Variants in ACBD6 observed in about 807,000 individuals in gnomAD.
The protein encoded by ACBD6 is acyl-CoA-binding domain-containing protein 6.
Under a neutral mutation model 37.2 loss-of-function variants are expected in ACBD6, and 28 were observed. The ratio of observed to expected loss-of-function variants is 0.75; its 90% CI spans 0.56 to 1.03. The LOEUF is 1.03. Ranked by LOEUF, ACBD6 falls within the 50% of genes least tolerant of loss-of-function variation. The pLI is 0.00. For missense variants in ACBD6, 340 were observed against 337.4 expected (o/e 1.01, Z -0.06); for synonymous variants, 113 against 126.8 (o/e 0.89, Z 0.73).
chr1:180,358,211 G>A (rs757523222), intron 6 of ACBD6, among the ~76,000 whole-genome samples: 4 of 152,158 alleles, frequency 2.6e-5, no homozygotes, highest in Non-Finnish European at 5.9e-5. Context: ...GGCGGATCAT[G>A]AGGTCAGGAG....
intron 6 of ACBD6, among the ~76,000 whole-genome samples, chr1:180,343,835 G>A (rs560916731): frequency 6.6e-6 from 1 of 152,172 alleles, no homozygotes; most frequent in Non-Finnish European, 1.5e-5. Context: ...TTGGGTGGCC[G>A]AGGCAGGTGA....
chr1:180,311,476 C>T (rs1650592273), intron 7 of ACBD6, among the ~76,000 whole-genome samples: 1 of 152,152 alleles, frequency 6.6e-6, no homozygotes, highest in Admixed American at 6.6e-5. Context: ...CTTACTCTGT[C>T]AACCAAGCTG....
intron 6 of ACBD6, among the ~76,000 whole-genome samples, chr1:180,319,039 T>C (rs989779657): frequency 1.2e-4 from 18 of 152,174 alleles, no homozygotes; most frequent in African/African-American, 3.6e-4. Context: ...TTTGAGATTA[T>C]TATTAGTCTG....
chr1:180,344,958 A>G (rs1167669577), intron 6 of ACBD6, among the ~76,000 whole-genome samples: 1 of 152,222 alleles, frequency 6.6e-6, no homozygotes, highest in Admixed American at 6.5e-5. Flanking sequence ...CTCAAAACTG[A>G]CATATCATCA....
At chr1:180,310,697 G>T (rs1650551651) in intron 7 of ACBD6, among the ~76,000 whole-genome samples, 1 of 152,080 alleles carries the variant, frequency 6.6e-6, no homozygotes, top group African/African-American at 2.4e-5. Flanking sequence ...AGAATTACTG[G>T]GTTGTAGAGT....
At chr1:180,435,716 G>T in intron 3 of ACBD6, 1 of 852,322 alleles carries the variant, frequency 1.2e-6, no homozygotes, top group Non-Finnish European at 2.0e-6. Context: ...TGTCAATCTC[G>T]CCTGGACAGC....
intron 7 of ACBD6, among the ~76,000 whole-genome samples, chr1:180,311,582 T>C (rs1180782332): frequency 6.6e-6 from 1 of 152,138 alleles, no homozygotes; most frequent in Non-Finnish European, 1.5e-5. Flanking sequence ...GGACCATATT[T>C]GCCCAGGACA....
chr1:180,397,564 C>G lies in ACBD6; in HGVS notation c.615G>C (p.Lys205Asn). The change falls in exon 6 of 8, where the codon AAG becomes AAC. Residue 205 changes from lysine (K) to asparagine (N), a missense_variant. Transcript: ENST00000367595. Reference protein sequence around the residue: ...LLHWACDRGHKELVTVLLQHR... With the variant: ...LLHWACDRGHNELVTVLLQHR... ...GTTGCAGCAACACTGTGACTAGTTC[C>G]TTATGTCCTCGATCACAGGCCCAGT... 6.2e-7 allele frequency: 1 copy of G among 1,614,080 alleles called. No homozygotes were observed. Among genetic ancestry groups the G allele is most frequent in the Non-Finnish European group, 8.5e-7 (1 of 1,179,992 alleles).
chr1:180,350,334 G>A (rs927999329), intron 6 of ACBD6, among the ~76,000 whole-genome samples: 5 of 151,986 alleles, frequency 3.3e-5, no homozygotes, highest in African/African-American at 7.3e-5. Flanking sequence ...ATGCCTGGCC[G>A]ACTCCTAATT....
At chr1:180,328,137 A>G (rs745700686) in intron 6 of ACBD6, among the ~76,000 whole-genome samples, 14 of 152,136 alleles carry the variant, frequency 9.2e-5, no homozygotes, top group Middle Eastern at 3.2e-3. Flanking sequence ...TCTTCTGCAT[A>G]AAATTGTGTA....
intron 4 of ACBD6, among the ~76,000 whole-genome samples, chr1:180,421,098 A>G (rs1300104971): frequency 6.6e-6 from 1 of 152,088 alleles, no homozygotes; most frequent in Admixed American, 6.5e-5. Context: ...GGTTTGCTGC[A>G]CAGACTGTCT....
intron 6 of ACBD6, among the ~76,000 whole-genome samples, chr1:180,366,187 T>C (rs1193818699): frequency 2.0e-5 from 3 of 152,256 alleles, no homozygotes; most frequent in Non-Finnish European, 4.4e-5. Flanking sequence ...TTAGTTCTTT[T>C]AAGGCAGATG....
intron 3 of ACBD6, among the ~76,000 whole-genome samples, chr1:180,455,743 GAATT>G (rs1311994444): frequency 6.6e-6 from 1 of 151,808 alleles, no homozygotes; most frequent in Admixed American, 6.6e-5. Context: ...CCATAAAATT[GAATT>G]AATTCTAGAT....
At chr1:180,399,386 C>T (rs2101953928) in intron 5 of ACBD6, among the ~76,000 whole-genome samples, 1 of 152,252 alleles carries the variant, frequency 6.6e-6, no homozygotes, top group South Asian at 2.1e-4. Context: ...CTGCCTCAGC[C>T]TCCCAAATAG....
chr1:180,431,855 G>GA (rs1163600624), intron 3 of ACBD6, among the ~76,000 whole-genome samples: 1 of 152,104 alleles, frequency 6.6e-6, no homozygotes, highest in East Asian at 1.9e-4. Context: ...TAACATGGCG[G>GA]AAAATCTAGG....
intron 3 of ACBD6, among the ~76,000 whole-genome samples, chr1:180,485,432 T>C (rs570957837): frequency 6.6e-6 from 1 of 152,310 alleles, no homozygotes; most frequent in South Asian, 2.1e-4. Flanking sequence ...AGGTGGGCCC[T>C]AAATTCAATT....
At chr1:180,350,426 GT>G (rs1652365653) in intron 6 of ACBD6, among the ~76,000 whole-genome samples, 1 of 698 alleles carries the variant, frequency 1.4e-3, no homozygotes, top group Non-Finnish European at 3.5e-3. Context: ...ATTTTCTATT[GT>G]TGTTACCGAA....
chr1:180,408,527 G>A (rs1278062071), intron 5 of ACBD6, among the ~76,000 whole-genome samples: 1 of 152,104 alleles, frequency 6.6e-6, no homozygotes, highest in Non-Finnish European at 1.5e-5. Flanking sequence ...TGTGGGGTGA[G>A]GGGAGGGGGA....
rs933518205 is a variant in ACBD6, at chr1:180,474,724, T to A, written c.384+17545A>T. On this transcript the variant is annotated intron_variant, in intron 3 of 7. Coordinates refer to ENST00000367595, the MANE Select transcript of ACBD6 (RefSeq NM_032360.4). ...ATCGAATATATTAGAATAGAAATAA[T>A]ACATTCATTAAGTCTGTGTTATATA... 2.0e-5 allele frequency among the ~76,000 whole-genome samples: 3 copies of A among 152,242 alleles called. No individual in the cohort carries two copies. The East Asian group carries it at 5.8e-4, about 29-fold the overall frequency.
Sources: allele counts gnomAD v4.1 joint callset (sites outside exome capture counted in the v4.1 genomes callset), GRCh38; gene constraint gnomAD v4.1.1; transcripts MANE v1.5; gene names NCBI Gene and HGNC (gene_info 2026-07-23, HGNC 2026-07-21).